NBAS: variants seen among roughly 807,000 people sequenced by gnomAD.
NBAS encodes NBAS subunit of NRZ tethering complex.
In NBAS, 219 loss-of-function variants were observed where a neutral mutation model predicts 302.5. The ratio of observed to expected loss-of-function variants is 0.72; its 90% CI spans 0.65 to 0.81. NBAS has a LOEUF of 0.81. NBAS is among the 30% of genes least tolerant of loss of function. NBAS has a pLI of 0.00. For synonymous variants in NBAS, 1,118 were observed against 1,021.6 expected, an observed-to-expected ratio of 1.09 and a Z score of -1.80; for missense variants, 2,932 against 2,841.6, an observed-to-expected ratio of 1.03 and a Z score of -0.72.
intron 44 of NBAS, among the ~76,000 whole-genome samples, chr2:15,242,729 C>T (rs1370708787): frequency 6.6e-6 from 1 of 151,744 alleles, no homozygotes; most frequent in Non-Finnish European, 1.5e-5. Context: ...ACAGCATTAA[C>T]ATGTCATTCA....
chr2:15,557,386 A>G (rs145039058), intron 2 of NBAS, among the ~76,000 whole-genome samples: 1 of 152,156 alleles, frequency 6.6e-6, no homozygotes, highest in Non-Finnish European at 1.5e-5. Context: ...GATTCTCTCT[A>G]GGTGGTATGA....
At chr2:15,377,247 C>T (rs975237104) in intron 30 of NBAS, among the ~76,000 whole-genome samples, 3 of 152,136 alleles carry the variant, frequency 2.0e-5, no homozygotes, top group African/African-American at 7.2e-5. Flanking sequence ...TAAGTAAAGG[C>T]TAGAAACAAG....
At position 15,343,697 on chromosome 2, in the gene NBAS, A is replaced by T. The variant is rs138237220; in HGVS notation, c.4179+8295T>A. ...CTATACTTATTTCAAAAAAGGGACA[A>T]CTTATTCTTACTTAAATAAGTAAAT... On this transcript the variant is annotated intron_variant, in intron 35 of 51. Coordinates refer to ENST00000281513, the MANE Select transcript of NBAS (RefSeq NM_015909.4). Among the ~76,000 whole-genome samples the T allele has an allele frequency of 5.1e-3, 778 of 152,160 alleles. 2 individuals carry two copies. The highest frequency in any genetic ancestry group is 0.017 in the African/African-American group (692 of 41,568).
intron 16 of NBAS, among the ~76,000 whole-genome samples, chr2:15,471,679 A>C (rs1679961979): frequency 6.6e-6 from 1 of 152,220 alleles, no homozygotes. Flanking sequence ...CAGAGTGATG[A>C]TGTTTGGAAA....
chr2:14,978,657 A>C, the NBAS span, among the ~76,000 whole-genome samples: 1 of 152,202 alleles, frequency 6.6e-6, no homozygotes, highest in African/African-American at 2.4e-5. Flanking sequence ...CTTACAGATA[A>C]GGAAACTGAG....
intron 5 of NBAS, among the ~76,000 whole-genome samples, chr2:15,552,711 G>T (rs1664437000): frequency 1.3e-5 from 2 of 151,956 alleles, no homozygotes; most frequent in Non-Finnish European, 2.9e-5. Flanking sequence ...AGCATAATTG[G>T]TCTCAAGTAA....
the NBAS span, among the ~76,000 whole-genome samples, chr2:14,963,836 C>T: frequency 6.6e-6 from 1 of 152,220 alleles, no homozygotes; most frequent in Non-Finnish European, 1.5e-5. Flanking sequence ...TATAATAAAT[C>T]CTAGTTGTGA....
At chr2:15,116,665 C>T in the NBAS span, among the ~76,000 whole-genome samples, 1 of 152,216 alleles carries the variant, frequency 6.6e-6, no homozygotes, top group Non-Finnish European at 1.5e-5. Flanking sequence ...TGATACCCTA[C>T]ATGTGTGCAG....
At chr2:15,360,698 C>G (rs1298577567) in intron 32 of NBAS, among the ~76,000 whole-genome samples, 1 of 126,468 alleles carries the variant, frequency 7.9e-6, no homozygotes, top group Non-Finnish European at 1.6e-5. Context: ...TTGTTAAATA[C>G]TAAGACACAA....
rs554628439 is a variant in NBAS at position 15,545,470 on chromosome 2, G to A, written c.379+6023C>T. ...AATACCAAGTACAAATCTCAAAACC[G>A]ATACAGGGGACGTCAGTACAGATCC... On this transcript the variant is annotated intron_variant, in intron 6 of 51. Transcript: ENST00000281513. 7.2e-4 allele frequency among the ~76,000 whole-genome samples: 110 copies of A among 152,176 alleles called. 1 individual carries two copies. Among genetic ancestry groups the A allele is most frequent in the African/African-American group, 2.4e-3 (101 of 41,530 alleles).
rs553683320 is a variant in NBAS, at chr2:15,523,235, A to T, written c.746+11308T>A. Among the ~76,000 whole-genome samples the T allele has an allele frequency of 5.9e-5, 9 of 152,292 alleles. No individual in the cohort carries two copies. In the South Asian group the frequency reaches 1.9e-3, roughly 32 times the overall value. ...CCTCGAGAGATTACTTTTTACTATG[A>T]TACGCAATTTCCCGGAGAGACTAAC... On this transcript the variant is annotated intron_variant, in intron 9 of 51. Transcript: ENST00000281513.
chr2:14,960,069 GA>G, the NBAS span, among the ~76,000 whole-genome samples: 4 of 151,752 alleles, frequency 2.6e-5, no homozygotes, highest in Admixed American at 2.0e-4. Context: ...ACTGCACTTG[GA>G]AAAAAAATGG....
intron 48 of NBAS, among the ~76,000 whole-genome samples, chr2:15,190,969 C>A (rs1180814575): frequency 1.3e-5 from 2 of 152,122 alleles, no homozygotes; most frequent in African/African-American, 4.8e-5. Context: ...ATACAAAACA[C>A]CCATTTTTCC....
chr2:15,496,919 T>C (rs904334497), intron 11 of NBAS, among the ~76,000 whole-genome samples: 5 of 151,942 alleles, frequency 3.3e-5, no homozygotes, highest in Non-Finnish European at 5.9e-5. Flanking sequence ...AGAATAACAA[T>C]AGGAACTGTA....
chr2:15,064,068 GAAAGTTT>G, the NBAS span, among the ~76,000 whole-genome samples: 1 of 152,156 alleles, frequency 6.6e-6, no homozygotes, highest in African/African-American at 2.4e-5. Flanking sequence ...ATAGTGTTGT[GAAAGTTT>G]GATGTTTCCT....
chr2:14,810,683 A>T, the NBAS span, among the ~76,000 whole-genome samples: 1 of 152,214 alleles, frequency 6.6e-6, no homozygotes, highest in Non-Finnish European at 1.5e-5. Context: ...ATTTTCAAAA[A>T]GGAATAAAAA....
chr2:15,008,838 A>G, the NBAS span, among the ~76,000 whole-genome samples: 1 of 152,212 alleles, frequency 6.6e-6, no homozygotes, highest in African/African-American at 2.4e-5. Context: ...AAAAACACTT[A>G]TATGGGTCTA....
chr2:15,122,111 C>A, the NBAS span, among the ~76,000 whole-genome samples: 3 of 149,534 alleles, frequency 2.0e-5, no homozygotes, highest in South Asian at 2.1e-4. Context: ...TGGGGTATGA[C>A]GGATGGAGGA....
At chr2:15,244,612 G>C (rs761684815) in intron 44 of NBAS, among the ~76,000 whole-genome samples, 9 of 152,082 alleles carry the variant, frequency 5.9e-5, no homozygotes, top group Non-Finnish European at 8.8e-5. Context: ...GGGTGTCGGG[G>C]TGGGTGTGGG....
Sources: gnomAD v4.1 joint callset for allele counts (sites outside exome capture counted in the v4.1 genomes callset) on GRCh38, gnomAD v4.1.1 for gene constraint, MANE v1.5 for transcripts, NCBI Gene and HGNC (gene_info 2026-07-23, HGNC 2026-07-21) for gene names.